Variants in AFF2 observed in about 807,000 individuals in gnomAD.
AFF2 encodes the protein AF4/FMR2 family member 2.
AFF2 carries 14 observed loss-of-function variants against 76.9 expected under a neutral mutation model. The ratio of observed to expected loss-of-function variants is 0.18; its 90% CI spans 0.12 to 0.28. The LOEUF is 0.28. Among genes scored for constraint, AFF2 ranks in the 10% least tolerant of loss-of-function variants. The pLI, the probability that AFF2 is intolerant of heterozygous loss-of-function variation, is 1.00. For synonymous variants in AFF2, 398 were observed against 366.7 expected, an observed-to-expected ratio of 1.09 and a Z score of -0.98; for missense variants, 868 against 1,001.1, an observed-to-expected ratio of 0.87 and a Z score of 1.79.
chrX:148,984,986 C>CT (rs1172771376), intron 19 of AFF2, among the ~76,000 whole-genome samples: 3 of 110,730 alleles, frequency 2.7e-5, no homozygotes, highest in East Asian at 2.8e-4. Flanking sequence ...CTTTTGTTTT[C>CT]TTTTTTTCTG....
At chrX:148,674,780 T>G (rs1198580501) in intron 3 of AFF2, among the ~76,000 whole-genome samples, 1 of 112,073 alleles carries the variant, frequency 8.9e-6, no homozygotes, top group Non-Finnish European at 1.9e-5. Flanking sequence ...GCCCTATTAT[T>G]TTATCTAAGG....
intron 3 of AFF2, among the ~76,000 whole-genome samples, chrX:148,781,895 G>C (rs782304259): frequency 9.0e-6 from 1 of 111,603 alleles, no homozygotes; most frequent in South Asian, 3.8e-4. Context: ...TAGTATCTGG[G>C]CTGGATAGCA....
At chrX:148,971,775 T>A (rs1280371960) in intron 15 of AFF2, among the ~76,000 whole-genome samples, 1 of 78,567 alleles carries the variant, frequency 1.3e-5, no homozygotes, top group Non-Finnish European at 2.4e-5. Context: ...TTTTTAATGT[T>A]TTTTTTTTTT....
chrX:148,611,339 G>T (rs1048396935), intron 1 of AFF2, among the ~76,000 whole-genome samples: 1 of 112,154 alleles, frequency 8.9e-6, no homozygotes, highest in African/African-American at 3.2e-5. Flanking sequence ...ATGGTCTAAT[G>T]GTTACAGTAA....
At chrX:148,576,349 C>T (rs1044350777) in intron 1 of AFF2, among the ~76,000 whole-genome samples, 2 of 111,514 alleles carry the variant, frequency 1.8e-5, no homozygotes, top group Non-Finnish European at 3.8e-5. Context: ...GCAGAGTCTA[C>T]AATTATAGGT....
intron 3 of AFF2, chrX:148,719,028 G>A: frequency 9.9e-7 from 1 of 1,006,846 alleles, no homozygotes; most frequent in Non-Finnish European, 1.3e-6. Context: ...TATTTATTGT[G>A]ACCTAGAATA....
At chrX:148,989,804 C>T (rs2072514948) in intron 20 of AFF2, among the ~76,000 whole-genome samples, 1 of 112,315 alleles carries the variant, frequency 8.9e-6, no homozygotes, top group African/African-American at 3.2e-5. Context: ...CTGCAGATGG[C>T]TTATTGTAGA....
intron 9 of AFF2, among the ~76,000 whole-genome samples, chrX:148,920,726 C>G (rs2071585052): frequency 9.1e-6 from 1 of 110,175 alleles, no homozygotes; most frequent in Non-Finnish European, 1.9e-5. Context: ...ATTTTGAGCC[C>G]TTAATATTAC....
At chrX:148,713,159 C>G (rs1027694039) in intron 3 of AFF2, among the ~76,000 whole-genome samples, 15 of 110,956 alleles carry the variant, frequency 1.4e-4, no homozygotes, top group African/African-American at 4.9e-4. Context: ...GAGCAGAGTA[C>G]TCAAAGGGGA....
chrX:148,656,313 G>A (rs2054250710), intron 2 of AFF2, among the ~76,000 whole-genome samples: 1 of 111,200 alleles, frequency 9.0e-6, no homozygotes, highest in Non-Finnish European at 1.9e-5. Flanking sequence ...GACTTGTCTA[G>A]GTTAGTGCAC....
chrX:148,836,094 G>T (rs1336162134), intron 4 of AFF2, among the ~76,000 whole-genome samples: 1 of 112,021 alleles, frequency 8.9e-6, no homozygotes, highest in Non-Finnish European at 1.9e-5. Context: ...TTACTTTGCA[G>T]CCAGTTTTGA....
chrX:148,953,627 G>C lies in AFF2; in HGVS notation c.1445G>C (p.Gly482Ala), dbSNP rs145907183. The C allele has an allele frequency of 4.5e-5, 55 of 1,209,879 alleles. No homozygotes were observed. The highest frequency in any genetic ancestry group is 6.1e-5 in the Non-Finnish European group (55 of 895,214). ...PQPPPAVQAS[G>A]GSGSSSESES... ...CCCCCACCTGCAGTGCAAGCCAGCG[G>C]GGGTTCTGGCAGCTCCAGCGAATCG... Residue 482 changes from glycine (G) to alanine (A), a missense_variant, in exon 10 of 21, where the codon GGG becomes GCG. Physicochemically the swap from Gly to Ala is moderately conservative, Grantham distance 60 (BLOSUM62 0). Transcript: ENST00000370460.
intron 1 of AFF2, among the ~76,000 whole-genome samples, chrX:148,610,919 A>C: frequency 8.9e-6 from 1 of 112,273 alleles, no homozygotes; most frequent in Non-Finnish European, 1.9e-5. Flanking sequence ...GGAGCTTGTT[A>C]AATGGGAAAT....
At chrX:148,879,062 A>G (rs1385829955) in intron 7 of AFF2, among the ~76,000 whole-genome samples, 2 of 112,075 alleles carry the variant, frequency 1.8e-5, no homozygotes, top group Non-Finnish European at 3.8e-5. Context: ...TTCAAGTCAT[A>G]TACGTCAGGG....
chrX:148,567,529 G>A (rs2053182555), intron 1 of AFF2, among the ~76,000 whole-genome samples: 1 of 111,541 alleles, frequency 9.0e-6, no homozygotes, highest in African/African-American at 3.3e-5. Context: ...TACTGTAACT[G>A]CTGAAGTATC....
chrX:148,837,971 C>T (rs1301989925), intron 5 of AFF2, among the ~76,000 whole-genome samples: 1 of 112,261 alleles, frequency 8.9e-6, no homozygotes, highest in Non-Finnish European at 1.9e-5. Flanking sequence ...CTGTCCAAGT[C>T]GCTGTGCCTA....
At chrX:148,896,627 A>T (rs2071287445) in intron 8 of AFF2, among the ~76,000 whole-genome samples, 1 of 110,782 alleles carries the variant, frequency 9.0e-6, no homozygotes, top group Non-Finnish European at 1.9e-5. Flanking sequence ...AAAATTCCAC[A>T]TTTTTTTTCT....
chrX:148,886,778 A>G (rs782280434), intron 8 of AFF2, among the ~76,000 whole-genome samples: 2 of 112,412 alleles, frequency 1.8e-5, no homozygotes, highest in African/African-American at 6.5e-5. Context: ...CCTTTCTTTA[A>G]ATCCAGTACC....
intron 1 of AFF2, among the ~76,000 whole-genome samples, chrX:148,622,368 G>T (rs2053878299): frequency 8.9e-6 from 1 of 112,042 alleles, no homozygotes; most frequent in Admixed American, 9.4e-5. Flanking sequence ...ATTCAGGTAA[G>T]AGTTGATGTT....
Sources: allele counts gnomAD v4.1 joint callset (sites outside exome capture counted in the v4.1 genomes callset), GRCh38; gene constraint gnomAD v4.1.1; transcripts MANE v1.5; gene names NCBI Gene and HGNC (gene_info 2026-07-23, HGNC 2026-07-21).